Variants in TFEC observed in about 807,000 individuals in gnomAD.
The protein encoded by TFEC is class E basic helix-loop-helix protein 34.
Under a neutral mutation model 41.6 loss-of-function variants are expected in TFEC, and 31 were observed. The ratio of observed to expected loss-of-function variants is 0.74; its 90% CI spans 0.56 to 1.01. The LOEUF is 1.01. Among genes scored for constraint, TFEC ranks in the 50% least tolerant of loss-of-function variants. The pLI is 0.00. For synonymous variants in TFEC, 143 were observed against 140.6 expected, an observed-to-expected ratio of 1.02 and a Z score of -0.12; for missense variants, 402 against 404.1, an observed-to-expected ratio of 0.99 and a Z score of 0.04.
chr7:116,010,781 T>C (rs1006986826), intron 1 of TFEC, among the ~76,000 whole-genome samples: 8 of 152,218 alleles, frequency 5.3e-5, no homozygotes, highest in African/African-American at 1.9e-4. Context: ...TGAATTTTTT[T>C]GCGTGTTTTG....
intron 2 of TFEC, among the ~76,000 whole-genome samples, chr7:115,975,107 T>C (rs1179169239): frequency 1.3e-5 from 2 of 152,070 alleles, no homozygotes; most frequent in Non-Finnish European, 2.9e-5. Context: ...CCAAATCTTA[T>C]TGGCTTTCTA....
Position 116,009,777 on chromosome 7 carries a change from CAG to C in TFEC, c.-73+20854_-73+20855del, listed in dbSNP as rs201478703. ...TATATACGATAGGCACTTGAGTGGGCAGAGTGGTAGGCACAGTCAAACATGGT... is the reference window on the plus strand; with the variant it reads ...TATATACGATAGGCACTTGAGTGGGCAGTGGTAGGCACAGTCAAACATGGT... On this transcript the variant is annotated intron_variant, in intron 1 of 7. Transcript: ENST00000265440. Among the ~76,000 whole-genome samples the C allele has an allele frequency of 5.9e-5, 9 of 152,214 alleles. No homozygotes were observed. The East Asian group carries it at 1.7e-3, about 29-fold the overall frequency.
At chr7:115,962,653 T>TG (rs1792620777) in intron 3 of TFEC, among the ~76,000 whole-genome samples, 1 of 151,786 alleles carries the variant, frequency 6.6e-6, no homozygotes, top group Non-Finnish European at 1.5e-5. Context: ...AAGAATGAAG[T>TG]TAGATGTTTA....
At chr7:116,085,959 A>G (rs914102122) in intron 3 of TFEC, among the ~76,000 whole-genome samples, 7 of 151,920 alleles carry the variant, frequency 4.6e-5, no homozygotes, top group Non-Finnish European at 8.8e-5. Flanking sequence ...GGCAAAAAAT[A>G]GTTCCATGAA....
intron 3 of TFEC, among the ~76,000 whole-genome samples, chr7:116,084,009 A>T (rs1797148303): frequency 6.6e-6 from 1 of 151,940 alleles, no homozygotes; most frequent in African/African-American, 2.4e-5. Flanking sequence ...ATTACTTGCT[A>T]GCACCCACCA....
At chr7:116,062,262 TA>T (rs1796579775) in intron 3 of TFEC, among the ~76,000 whole-genome samples, 1 of 129,242 alleles carries the variant, frequency 7.7e-6, no homozygotes, top group Non-Finnish European at 1.7e-5. Flanking sequence ...TTTGTATTTT[TA>T]GTAGAGACAG....
chr7:116,003,697 G>A (rs987029908), intron 1 of TFEC, among the ~76,000 whole-genome samples: 5 of 152,012 alleles, frequency 3.3e-5, no homozygotes, highest in Admixed American at 6.6e-5. Context: ...TTTTTCTCAA[G>A]CTCTCATGGA....
At chr7:115,979,634 TCTC>T (rs1358983950) in intron 2 of TFEC, among the ~76,000 whole-genome samples, 1 of 152,098 alleles carries the variant, frequency 6.6e-6, no homozygotes, top group Non-Finnish European at 1.5e-5. Context: ...TTGAACCTCT[TCTC>T]CTGGTTGTCC....
intron 1 of TFEC, among the ~76,000 whole-genome samples, chr7:115,985,749 C>T (rs1793824472): frequency 6.6e-6 from 1 of 152,046 alleles, no homozygotes; most frequent in African/African-American, 2.4e-5. Flanking sequence ...ATAAAGATTA[C>T]ACATATTACT....
intron 1 of TFEC, among the ~76,000 whole-genome samples, chr7:116,010,414 C>T (rs1794956262): frequency 6.6e-6 from 1 of 152,132 alleles, no homozygotes; most frequent in South Asian, 2.1e-4. Context: ...ACCTGAGTTC[C>T]TGGCTTAAGT....
intron 3 of TFEC, among the ~76,000 whole-genome samples, chr7:115,970,558 T>C (rs1793086872): frequency 6.6e-6 from 1 of 151,932 alleles, no homozygotes; most frequent in Non-Finnish European, 1.5e-5. Context: ...TTAGTGAGTG[T>C]TATTAAAGAT....
chr7:115,970,191 G>GA (rs1793069445), intron 3 of TFEC, among the ~76,000 whole-genome samples: 1 of 151,944 alleles, frequency 6.6e-6, no homozygotes, highest in South Asian at 2.1e-4. Context: ...CCAGTAAAAT[G>GA]AGTGAAAAAT....
chr7:115,988,579 T>C (rs541194048), intron 1 of TFEC, among the ~76,000 whole-genome samples: 2 of 152,014 alleles, frequency 1.3e-5, no homozygotes, highest in East Asian at 3.9e-4. Context: ...CTAAGAACTG[T>C]GGGACAATGA....
chr7:116,140,764 CTG>C (rs1798524617), intron 1 of TFEC, among the ~76,000 whole-genome samples: 1 of 152,178 alleles, frequency 6.6e-6, no homozygotes, highest in Non-Finnish European at 1.5e-5. Context: ...CCTCCACACT[CTG>C]TAGTGCATTA....
chr7:116,038,373 A>T (rs1017165327), intron 3 of TFEC, among the ~76,000 whole-genome samples: 1 of 151,956 alleles, frequency 6.6e-6, no homozygotes, highest in East Asian at 1.9e-4. Context: ...ACTACCTAAA[A>T]CTATTTTTAG....
At chr7:116,134,151 G>C (rs1584556921) in intron 1 of TFEC, among the ~76,000 whole-genome samples, 1 of 152,104 alleles carries the variant, frequency 6.6e-6, no homozygotes, top group Non-Finnish European at 1.5e-5. Flanking sequence ...AAGAACAAAG[G>C]CTGCATACAT....
At chr7:116,101,592 A>G (rs1171697079) in intron 3 of TFEC, among the ~76,000 whole-genome samples, 1 of 152,110 alleles carries the variant, frequency 6.6e-6, no homozygotes, top group African/African-American at 2.4e-5. Flanking sequence ...CTCTTTAAAT[A>G]ATTAGTTGGA....
intron 1 of TFEC, among the ~76,000 whole-genome samples, chr7:116,139,913 A>G (rs901119842): frequency 1.2e-4 from 18 of 152,366 alleles, no homozygotes; most frequent in African/African-American, 4.3e-4. Flanking sequence ...GCACTTGGAC[A>G]GAAATGGGCA....
intron 3 of TFEC, among the ~76,000 whole-genome samples, chr7:115,961,699 C>A (rs1792562693): frequency 6.6e-6 from 1 of 151,542 alleles, no homozygotes; most frequent in South Asian, 2.1e-4. Flanking sequence ...GAGAAAGTAA[C>A]AACAGTACAT....
Sources: allele counts gnomAD v4.1 joint callset (sites outside exome capture counted in the v4.1 genomes callset), GRCh38; gene constraint gnomAD v4.1.1; transcripts MANE v1.5; gene names NCBI Gene and HGNC (gene_info 2026-07-23, HGNC 2026-07-21).